Variants in EGLN1 observed in about 807,000 individuals in gnomAD.
EGLN1 encodes the protein egl nine homolog 1.
A neutral mutation model predicts 38.3 loss-of-function variants in EGLN1; 17 were observed. The ratio of observed to expected loss-of-function variants is 0.44; its 90% confidence interval spans 0.30 to 0.67. The LOEUF (loss-of-function observed/expected upper bound fraction) is 0.67. EGLN1 is among the 30% of genes least tolerant of loss of function. The pLI is 0.08. For missense variants in EGLN1, 477 were observed against 603.3 expected, an observed-to-expected ratio of 0.79 and a Z score of 2.19; for synonymous variants, 283 against 257.5, an observed-to-expected ratio of 1.10 and a Z score of -0.95.
At chr1:231,420,759 CAA>C (rs1175954171) in intron 1 of EGLN1, among the ~76,000 whole-genome samples, 1 of 152,082 alleles carries the variant, frequency 6.6e-6, no homozygotes, top group Non-Finnish European at 1.5e-5. Context: ...AAAAACCATG[CAA>C]TTAGCCGGAG....
chr1:231,373,683 T>C lies in EGLN1; in HGVS notation c.1011+297A>G, dbSNP rs34584064. Among the ~76,000 whole-genome samples the C allele has an allele frequency of 0.053, 1,797 of 33,916 alleles. 31 individuals carry two copies. Among genetic ancestry groups the C allele is most frequent in the African/African-American group, 0.09 (1,679 of 18,560 alleles). 22.3% of individuals were successfully genotyped at this position (33,916 alleles called of 152,430 possible). A position where few individuals can be genotyped will look rare whatever the true frequency, so the allele number is the denominator to read the frequency against. ...TCCCCTAACCTCGTGTGTGCGTGTG[T>C]GTGTGTGTGTGTGTGTGTGTATGTG... On this transcript the variant is annotated intron_variant, in intron 2 of 4. Coordinates refer to ENST00000366641, the MANE Select transcript of EGLN1 (RefSeq NM_022051.3).
chr1:231,409,788 T>C (rs1688888346), intron 1 of EGLN1, among the ~76,000 whole-genome samples: 1 of 152,230 alleles, frequency 6.6e-6, no homozygotes. Context: ...CTGTTGAGTA[T>C]TTCTTTATTT....
chr1:231,409,804 C>T (rs879237697), intron 1 of EGLN1, among the ~76,000 whole-genome samples: 3 of 152,144 alleles, frequency 2.0e-5, no homozygotes, highest in Admixed American at 2.0e-4. Flanking sequence ...TATTTTCTCA[C>T]CTGTCCTCAA....
Position 231,372,380 on chromosome 1 carries a change from C to T in EGLN1, c.1011+1600G>A, listed in dbSNP as rs568715284. 6.8e-4 allele frequency among the ~76,000 whole-genome samples: 103 copies of T among 152,278 alleles called. 1 individual carries two copies. Among genetic ancestry groups the T allele is most frequent in the African/African-American group, 2.5e-3 (102 of 41,566 alleles). On this transcript the variant is annotated intron_variant, in intron 2 of 4. Coordinates refer to ENST00000366641, the MANE Select transcript of EGLN1 (RefSeq NM_022051.3). Reference sequence around the variant, plus strand: ...ATTCTACACACAAAAACACTAGGGACGTTTCTCTGCCTATGTCCTAATTTA... The same window carrying T: ...ATTCTACACACAAAAACACTAGGGATGTTTCTCTGCCTATGTCCTAATTTA...
At chr1:231,390,910 T>A (rs984788799) in intron 1 of EGLN1, among the ~76,000 whole-genome samples, 1 of 151,754 alleles carries the variant, frequency 6.6e-6, no homozygotes, top group Non-Finnish European at 1.5e-5. Flanking sequence ...ATCAGTGGCG[T>A]GATCATAGCT....
chr1:231,387,684 G>A (rs1355221549), intron 1 of EGLN1, among the ~76,000 whole-genome samples: 1 of 152,102 alleles, frequency 6.6e-6, no homozygotes, highest in African/African-American at 2.4e-5. Flanking sequence ...GGATGTTTAA[G>A]TATACCTAGT....
chr1:231,386,105 C>T (rs1688197577), intron 1 of EGLN1, among the ~76,000 whole-genome samples: 1 of 133,180 alleles, frequency 7.5e-6, no homozygotes, highest in African/African-American at 2.5e-5. Context: ...CACGAACCAC[C>T]ATGCCCGGCT....
chr1:231,415,064 A>C (rs143185910), intron 1 of EGLN1, among the ~76,000 whole-genome samples: 78 of 152,246 alleles, frequency 5.1e-4, no homozygotes, highest in African/African-American at 1.8e-3. Flanking sequence ...TGAGGCCAAC[A>C]GTTCTAGACC....
intron 1 of EGLN1, among the ~76,000 whole-genome samples, chr1:231,404,797 A>C (rs2790872): frequency 6.6e-6 from 1 of 151,892 alleles, no homozygotes; most frequent in African/African-American, 2.4e-5. Flanking sequence ...CTTGACTTCA[A>C]TCTGCTAACG....
intron 1 of EGLN1, among the ~76,000 whole-genome samples, chr1:231,419,570 C>G (rs1370171284): frequency 2.0e-5 from 3 of 148,626 alleles, no homozygotes; most frequent in Non-Finnish European, 4.5e-5. Context: ...TGTGCCCTGA[C>G]AACTTTCTTA....
chr1:231,404,206 T>TA (rs1393222460), intron 1 of EGLN1, among the ~76,000 whole-genome samples: 2 of 152,114 alleles, frequency 1.3e-5, no homozygotes, highest in African/African-American at 4.8e-5. Flanking sequence ...CTGCTTAAAA[T>TA]ACACTTTTTA....
At chr1:231,389,768 GA>G (rs937389888) in intron 1 of EGLN1, among the ~76,000 whole-genome samples, 3 of 152,186 alleles carry the variant, frequency 2.0e-5, no homozygotes, top group Admixed American at 1.3e-4. Flanking sequence ...CCAACATGGT[GA>G]AACCCCATCT....
chr1:231,391,187 G>A (rs1688376027), intron 1 of EGLN1, among the ~76,000 whole-genome samples: 1 of 39,832 alleles, frequency 2.5e-5, no homozygotes, highest in African/African-American at 4.9e-5. Context: ...ATGGGCTCAA[G>A]TGATCCTCCC....
intron 1 of EGLN1, among the ~76,000 whole-genome samples, chr1:231,377,391 G>A (rs1687987534): frequency 6.6e-6 from 1 of 152,180 alleles, no homozygotes; most frequent in African/African-American, 2.4e-5. Flanking sequence ...AAGTTTCCGG[G>A]CAAGAAACCA....
At chr1:231,371,007 A>G (rs1400177919) in intron 2 of EGLN1, among the ~76,000 whole-genome samples, 2 of 152,198 alleles carry the variant, frequency 1.3e-5, no homozygotes, top group Admixed American at 6.5e-5. Flanking sequence ...CTCCTGTCTC[A>G]GCATCGCGAG....
At chr1:231,412,732 GAACATAT>G (rs1386838901) in intron 1 of EGLN1, among the ~76,000 whole-genome samples, 2 of 152,170 alleles carry the variant, frequency 1.3e-5, no homozygotes, top group Non-Finnish European at 2.9e-5. Context: ...TGAAAATATA[GAACATAT>G]AACTTTTTTC....
At chr1:231,397,958 A>C (rs1303987761) in intron 1 of EGLN1, among the ~76,000 whole-genome samples, 1 of 152,202 alleles carries the variant, frequency 6.6e-6, no homozygotes, top group Non-Finnish European at 1.5e-5. Context: ...ATCAGACCTA[A>C]AGCTACCTCC....
At chr1:231,371,898 T>C (rs1020992144) in intron 2 of EGLN1, among the ~76,000 whole-genome samples, 2 of 152,218 alleles carry the variant, frequency 1.3e-5, no homozygotes, top group African/African-American at 4.8e-5. Flanking sequence ...AAAAGGTTTA[T>C]CAGGCTCACT....
chr1:231,394,098 T>C (rs140634106), intron 1 of EGLN1, among the ~76,000 whole-genome samples: 2 of 152,344 alleles, frequency 1.3e-5, no homozygotes, highest in African/African-American at 4.8e-5. Context: ...ATATTCAGGA[T>C]AGATTTTTGC....
Sources: allele counts gnomAD v4.1 joint callset (sites outside exome capture counted in the v4.1 genomes callset), GRCh38; gene constraint gnomAD v4.1.1; transcripts MANE v1.5; gene names NCBI Gene and HGNC (gene_info 2026-07-23, HGNC 2026-07-21).